PSCA: variants seen among roughly 807,000 people sequenced by gnomAD.
The protein encoded by PSCA is prostate stem cell antigen.
Under a neutral mutation model 7.9 loss-of-function variants are expected in PSCA, and 7 were observed. The observed-to-expected ratio is 0.89, with a 90% CI of 0.51 to 1.67. The LOEUF is 1.67. PSCA is among the 40% of genes most tolerant of loss of function. The pLI is 0.00. For missense variants in PSCA, 151 were observed against 147.9 expected (o/e 1.02, Z -0.11); for synonymous variants, 61 against 68.3 (o/e 0.89, Z 0.53).
In PSCA at chr8:142,682,561, G is replaced by A. The variant is rs2129878953; in HGVS notation, c.*429G>A. On this transcript the variant is annotated 3_prime_UTR_variant, in exon 3 of 3. Coordinates refer to ENST00000301258, the MANE Select transcript of PSCA (RefSeq NM_005672.5). Reference sequence around the variant, plus strand: ...GCCCGGTAAAGGCTGAGATGAAGTGGACTGAGTAGAACTGGAGGACAGGAG... The same window carrying A: ...GCCCGGTAAAGGCTGAGATGAAGTGAACTGAGTAGAACTGGAGGACAGGAG... The A allele has an allele frequency of 4.8e-6, 2 of 416,230 alleles. No individual in the cohort carries two copies. The highest frequency in any genetic ancestry group is 3.5e-4 in the Middle Eastern group (1 of 2,870). 25.8% of individuals were successfully genotyped at this position (416,230 alleles called of 1,614,324 possible).
At chr8:142,678,156 C>T (rs920777626), upstream of PSCA, among the ~76,000 whole-genome samples, 1 of 152,142 alleles carries the variant, frequency 6.6e-6, no homozygotes, top group African/African-American at 2.4e-5. Flanking sequence ...GGAGAGGGTC[C>T]GATTCCCCGA....
upstream of PSCA, among the ~76,000 whole-genome samples, chr8:142,679,644 C>A (rs1374410013): frequency 6.6e-6 from 1 of 152,106 alleles, no homozygotes; most frequent in Non-Finnish European, 1.5e-5. Context: ...TGGGGGCTTC[C>A]AGGTTATAGG....
chr8:142,672,598 C>T (rs1179693403), intron 1 of PSCA, among the ~76,000 whole-genome samples: 3 of 152,124 alleles, frequency 2.0e-5, no homozygotes, highest in East Asian at 1.9e-4. Context: ...ATCCCTGGTG[C>T]GACTCTGCTG....
At chr8:142,678,937 T>C (rs1162051421), upstream of PSCA, among the ~76,000 whole-genome samples, 6 of 137,154 alleles carry the variant, frequency 4.4e-5, no homozygotes, top group South Asian at 2.4e-4. Flanking sequence ...TAGAGGGCCA[T>C]AGCCGCTGCC....
In PSCA at chr8:142,682,043, A is replaced by G. The variant is rs782707181; in HGVS notation, c.256A>G (p.Ser86Gly). The change falls in exon 3 of 3, where the codon AGC (serine) becomes GGC (glycine). Residue 86 changes from serine (S) to glycine (G), a missense_variant. Ser to Gly is a moderately conservative substitution (Grantham distance 56, BLOSUM62 0). Transcript: ENST00000301258. ...CTGTGACACCGACTTGTGCAACGCC[A>G]GCGGGGCCCATGCCCTGCAGCCGGC... ...TCCDTDLCNA[S>G]GAHALQPAAA... The G allele has an allele frequency of 2.5e-6, 4 of 1,612,360 alleles. No homozygotes were observed. In the South Asian group the frequency reaches 3.3e-5, roughly 13 times the overall value.
At chr8:142,674,302 C>A (rs2978977) in intron 1 of PSCA, among the ~76,000 whole-genome samples, 42,989 of 129,088 alleles carry the variant, frequency 0.33, 8,055 homozygotes, top group Admixed American at 0.44. Context: ...GGAATCGTTT[C>A]AGTCTAACCT....
chr8:142,679,219 C>T (rs1554638079), upstream of PSCA, among the ~76,000 whole-genome samples: 2 of 152,382 alleles, frequency 1.3e-5, no homozygotes, highest in East Asian at 1.9e-4. Flanking sequence ...TGGGCCTAGC[C>T]GCTGCCTCCT....
Position 142,673,742 on chromosome 8 carries a change from G to A in PSCA, n.261+3174G>A, listed in dbSNP as rs587754710. Among the ~76,000 whole-genome samples, 3 of 152,332 alleles carry A rather than the reference G, an allele frequency of 2.0e-5. No individual in the cohort carries two copies. Among genetic ancestry groups the A allele is most frequent in the Admixed American group, 6.5e-5 (1 of 15,302 alleles). ...TGCGTCCAGGTGGGGCCACAGGACC[G>A]GCTGCGGGGTTGGTGGGCCTCGCTA... On this transcript the variant is annotated intron_variant and non_coding_transcript_variant, in intron 1 of 1. Coordinates refer to the PSCA transcript ENST00000505305. The surrounding 1 kb of genome is among the most constrained non-coding windows in gnomAD (Gnocchi z 4.6).
chr8:142,674,162 T>G (rs1048806387), intron 1 of PSCA, among the ~76,000 whole-genome samples: 12 of 148,842 alleles, frequency 8.1e-5, no homozygotes, highest in Non-Finnish European at 1.6e-4. Context: ...GAATAACGGC[T>G]GGGAATCGTT....
exon 1 of PSCA, chr8:142,670,333 T>A (rs1054658827): frequency 6.6e-6 from 1 of 152,300 alleles, no homozygotes; most frequent in Admixed American, 6.5e-5. Flanking sequence ...GCTGAAGGCG[T>A]TGGGGCTCCT....
chr8:142,677,040 G>C (rs148967768), upstream of PSCA, among the ~76,000 whole-genome samples: 2 of 152,220 alleles, frequency 1.3e-5, no homozygotes, highest in East Asian at 3.8e-4. Flanking sequence ...CACAGTCAGG[G>C]TTCATTCTGT....
chr8:142,681,569 A>T, intron 2 of PSCA, 135 bp downstream of exon 2: 1 of 739,152 alleles, frequency 1.4e-6, no homozygotes, highest in Non-Finnish European at 2.3e-6. Flanking sequence ...CACCCCCAAC[A>T]ATCACCCAGC....
chr8:142,677,551 A>G (rs2129864010), upstream of PSCA, among the ~76,000 whole-genome samples: 2 of 152,222 alleles, frequency 1.3e-5, no homozygotes, highest in East Asian at 3.9e-4. Flanking sequence ...TGGCACCTTG[A>G]ACACAGAGAC....
intron 1 of PSCA, among the ~76,000 whole-genome samples, chr8:142,672,752 G>A (rs1285851454): frequency 6.6e-6 from 1 of 152,212 alleles, no homozygotes; most frequent in Non-Finnish European, 1.5e-5. Context: ...CCTCTCTTTC[G>A]AAAGAGGCGT....
intron 2 of PSCA, 80 bp from the exon 3 acceptor site, chr8:142,681,841 T>TG (rs71514093): frequency 0.44 from 442,015 of 999,960 alleles, 100,250 homozygotes; most frequent in Admixed American, 0.53. Flanking sequence ...TTAGGCAGGG[T>TG]GGGACAGGAG....
At chr8:142,679,387 T>A (rs1554638093), upstream of PSCA, among the ~76,000 whole-genome samples, 2 of 151,212 alleles carry the variant, frequency 1.3e-5, no homozygotes, top group Non-Finnish European at 2.9e-5. Flanking sequence ...CAACAGGGTC[T>A]CCTCCCCAGG....
upstream of PSCA, among the ~76,000 whole-genome samples, chr8:142,677,693 G>C (rs1847414875): frequency 6.6e-6 from 1 of 152,050 alleles, no homozygotes; most frequent in Non-Finnish European, 1.5e-5. Flanking sequence ...CCCTTGTCCT[G>C]AGCTTACAGG....
chr8:142,682,084 G>A lies in PSCA; in HGVS notation c.297G>A (p.Ala99=), dbSNP rs1462221603. Residue 99 remains alanine, a synonymous_variant, in exon 3 of 3, where the codon GCG becomes GCA. Coordinates refer to ENST00000301258, the MANE Select transcript of PSCA (RefSeq NM_005672.5). ...HALQPAAAIL[A]LLPALGLLLW... is the part of the protein sequence containing the mutation. Reference sequence around the variant, plus strand: ...TGCAGCCGGCTGCTGCCATCCTTGCGCTGCTCCCTGCACTCGGCCTGCTGC... The same window carrying A: ...TGCAGCCGGCTGCTGCCATCCTTGCACTGCTCCCTGCACTCGGCCTGCTGC... 8 of 1,606,630 alleles carry A rather than the reference G, an allele frequency of 5.0e-6. No individual in the cohort carries two copies. The highest frequency in any genetic ancestry group is 1.1e-5 in the South Asian group (1 of 91,006).
chr8:142,678,713 CCA>C (rs1847426511), upstream of PSCA, among the ~76,000 whole-genome samples: 192 of 65,246 alleles, frequency 2.9e-3, 1 homozygote, highest in Middle Eastern at 0.019. Context: ...CACCACCCAG[CCA>C]CTGGCAGCAG....
Sources: allele counts gnomAD v4.1 joint callset (sites outside exome capture counted in the v4.1 genomes callset), GRCh38; gene constraint gnomAD v4.1.1; non-coding constraint Gnocchi (gnomAD v3.1); transcripts MANE v1.5; gene names NCBI Gene and HGNC (gene_info 2026-07-23, HGNC 2026-07-21).